The following RNF152 variants were observed in gnomAD, a reference collection of about 807,000 sequenced individuals.
RNF152 encodes ring finger protein 152.
In RNF152, 11 loss-of-function variants were observed where a neutral mutation model predicts 12.7. The ratio of observed to expected loss-of-function variants is 0.86; its 90% CI spans 0.54 to 1.43. The LOEUF (loss-of-function observed/expected upper bound fraction) is 1.43, where lower values mean the gene tolerates loss of function less well. Among genes scored for constraint, RNF152 ranks in the 40% most tolerant of loss-of-function variants. The pLI is 0.00. For synonymous variants in RNF152, 113 were observed against 120.3 expected, an observed-to-expected ratio of 0.94 and a Z score of 0.40; for missense variants, 255 against 274.8, an observed-to-expected ratio of 0.93 and a Z score of 0.51.
chr18:61,864,935 G>A (rs1280789531), intron 1 of RNF152, among the ~76,000 whole-genome samples: 6 of 152,114 alleles, frequency 3.9e-5, no homozygotes, highest in East Asian at 1.9e-4. Context: ...CAGGAGAATC[G>A]CTTGAACCCA....
At chr18:61,842,819 C>T (rs1910511866) in intron 1 of RNF152, among the ~76,000 whole-genome samples, 1 of 152,158 alleles carries the variant, frequency 6.6e-6, no homozygotes, top group Non-Finnish European at 1.5e-5. Flanking sequence ...ATTTTTAAAA[C>T]CATCAGATCT....
At chr18:61,857,611 C>T (rs770149622) in intron 1 of RNF152, among the ~76,000 whole-genome samples, 1 of 152,166 alleles carries the variant, frequency 6.6e-6, no homozygotes, top group Non-Finnish European at 1.5e-5. Context: ...CATCTTCCAT[C>T]TCATCGCCAT....
chr18:61,867,929 T>C (rs1458996572), intron 1 of RNF152, among the ~76,000 whole-genome samples: 1 of 152,212 alleles, frequency 6.6e-6, no homozygotes, highest in African/African-American at 2.4e-5. Flanking sequence ...ACTTTACTAT[T>C]ATGTAAATTT....
chr18:61,869,670 GT>G (rs1911895650), intron 1 of RNF152, among the ~76,000 whole-genome samples: 1 of 152,170 alleles, frequency 6.6e-6, no homozygotes, highest in Non-Finnish European at 1.5e-5. Context: ...ATAAGTACAG[GT>G]TTTAGAAGGA....
At chr18:61,824,642 T>C (rs1909575678) in intron 1 of RNF152, among the ~76,000 whole-genome samples, 1 of 152,200 alleles carries the variant, frequency 6.6e-6, no homozygotes, top group Non-Finnish European at 1.5e-5. Context: ...CTCCTTCAAG[T>C]CTGATCAGTA....
At position 61,874,479 on chromosome 18, in the gene RNF152, C is replaced by CTT. The variant is rs1477492267; in HGVS notation, c.-136+18315_-136+18316insAA. Among the ~76,000 whole-genome samples, 5 of 152,310 alleles carry CTT rather than the reference C, an allele frequency of 3.3e-5. No homozygotes were observed. In the East Asian group the frequency reaches 9.6e-4, roughly 29 times the overall value. Reference sequence around the variant, plus strand: ...AAATCACATTCAAAATAATGTGCAACTATTTTAAAAAGCATTAGATCACCA... The same window carrying CTT: ...AAATCACATTCAAAATAATGTGCAACTTTATTTTAAAAAGCATTAGATCACCA... On this transcript the variant is annotated intron_variant, in intron 1 of 1. Coordinates refer to ENST00000312828, the MANE Select transcript of RNF152 (RefSeq NM_173557.3).
chr18:61,852,561 C>A (rs573777726), intron 1 of RNF152, among the ~76,000 whole-genome samples: 1 of 152,306 alleles, frequency 6.6e-6, no homozygotes, highest in Admixed American at 6.5e-5. Context: ...GATTGTCAGT[C>A]TTCAAAGAGA....
intron 1 of RNF152, among the ~76,000 whole-genome samples, chr18:61,827,093 A>G (rs1170162895): frequency 6.6e-6 from 1 of 152,220 alleles, no homozygotes; most frequent in African/African-American, 2.4e-5. Flanking sequence ...GATTAAAGGT[A>G]ATTCCTTATT....
At chr18:61,841,232 C>T (rs776784863) in intron 1 of RNF152, among the ~76,000 whole-genome samples, 3 of 152,180 alleles carry the variant, frequency 2.0e-5, no homozygotes, top group Admixed American at 6.5e-5. Flanking sequence ...TTAAAAGTCA[C>T]TACAAAGGCC....
chr18:61,815,641 G>C lies in RNF152; in HGVS notation c.*211C>G. ...GCATGCAATCATCTTCCAAGCTGTT[G>C]CCATCAACACTCAGAACAATTCACC... On this transcript the variant is annotated 3_prime_UTR_variant, in exon 2 of 2. Coordinates refer to ENST00000312828, the MANE Select transcript of RNF152 (RefSeq NM_173557.3). 1.8e-6 allele frequency: 1 copy of C among 556,544 alleles called. No individual in the cohort carries two copies. The highest frequency in any genetic ancestry group is 2.5e-5 in the South Asian group (1 of 39,808). The allele number at this position is 556,544 out of a possible 1,614,324, so 34.5% of individuals were successfully genotyped here.
chr18:61,834,892 T>C (rs1306815971), intron 1 of RNF152, among the ~76,000 whole-genome samples: 1 of 152,228 alleles, frequency 6.6e-6, no homozygotes, highest in Non-Finnish European at 1.5e-5. Flanking sequence ...TGCTTCATAA[T>C]GTCCACTGAA....
chr18:61,808,166 G>T lies in RNF152; in HGVS notation c.*7686C>A, dbSNP rs1912780320. ...ATACAAAGGACAAGACACCAGTTTG[G>T]CATACAAAAATACCATATATTAAAA... On this transcript the variant is annotated 3_prime_UTR_variant, in exon 2 of 2. Coordinates refer to ENST00000312828, the MANE Select transcript of RNF152 (RefSeq NM_173557.3). 6.6e-6 allele frequency: 1 copy of T among 151,826 alleles called. No homozygotes were observed. The highest frequency in any genetic ancestry group is 1.5e-5 in the Non-Finnish European group (1 of 67,976). The allele number at this position is 151,826 out of a possible 1,614,324, so 9.4% of individuals were successfully genotyped here.
chr18:61,816,174 T>C lies in RNF152; in HGVS notation c.290A>G (p.Asn97Ser), dbSNP rs1007774538. 3.1e-6 allele frequency: 5 copies of C among 1,614,054 alleles called. No homozygotes were observed. In the African/African-American group the frequency reaches 5.3e-5, roughly 17 times the overall value. The change falls in exon 2 of 2, where the codon AAT (asparagine) becomes AGT (serine). Residue 97 changes from asparagine to serine, a missense_variant. Asn to Ser is a conservative substitution (Grantham distance 46). Coordinates refer to ENST00000312828, the MANE Select transcript of RNF152 (RefSeq NM_173557.3). Reference sequence around the variant, plus strand: ...GGGCAGGGGCAGCATGTAGCACCCATTGCTGGGAAGTTTGATGAAGACCGG... The same window carrying C: ...GGGCAGGGGCAGCATGTAGCACCCACTGCTGGGAAGTTTGATGAAGACCGG... ...HTPVFIKLPS[N>S]GCYMLPLPIS...
intron 1 of RNF152, among the ~76,000 whole-genome samples, chr18:61,836,899 T>A (rs997952716): frequency 9.2e-5 from 14 of 152,234 alleles, no homozygotes; most frequent in African/African-American, 3.4e-4. Context: ...CATCAATAGA[T>A]GCTAAAATCA....
At chr18:61,863,296 G>T (rs375129292) in intron 1 of RNF152, among the ~76,000 whole-genome samples, 259 of 152,104 alleles carry the variant, frequency 1.7e-3, no homozygotes, top group African/African-American at 6.1e-3. Flanking sequence ...TTAGCCAGGC[G>T]TGGTGACACA....
At chr18:61,857,313 G>A (rs1263637306) in intron 1 of RNF152, among the ~76,000 whole-genome samples, 2 of 152,142 alleles carry the variant, frequency 1.3e-5, no homozygotes, top group African/African-American at 2.4e-5. Flanking sequence ...GATCTTCAAC[G>A]CCTGCTCTGG....
chr18:61,836,361 T>C (rs977634475), intron 1 of RNF152, among the ~76,000 whole-genome samples: 1 of 151,806 alleles, frequency 6.6e-6, no homozygotes, highest in Non-Finnish European at 1.5e-5. Context: ...CCAAAATTCG[T>C]ATGTTGAAAC....
intron 1 of RNF152, among the ~76,000 whole-genome samples, chr18:61,865,159 C>T (rs971355010): frequency 3.4e-4 from 52 of 152,276 alleles, no homozygotes; most frequent in African/African-American, 1.2e-3. Context: ...TATTATATCA[C>T]AATATCATAC....
At chr18:61,853,494 G>A (rs921558158) in intron 1 of RNF152, among the ~76,000 whole-genome samples, 1 of 152,066 alleles carries the variant, frequency 6.6e-6, no homozygotes, top group Admixed American at 6.6e-5. Flanking sequence ...GTTTCACCAT[G>A]TTGGCCAGAC....
Sources: allele counts gnomAD v4.1 joint callset (sites outside exome capture counted in the v4.1 genomes callset), GRCh38; gene constraint gnomAD v4.1.1; transcripts MANE v1.5; gene names NCBI Gene and HGNC (gene_info 2026-07-23, HGNC 2026-07-21).